RIN3: variants seen among roughly 807,000 people sequenced by gnomAD.
RIN3 encodes RAB5 interacting protein 3.
In RIN3, 54 loss-of-function variants were observed where a neutral mutation model predicts 76.3. That is an observed-to-expected ratio of 0.71 (90% CI 0.57 to 0.89). RIN3 has a LOEUF of 0.89. Among genes scored for constraint, RIN3 ranks in the 40% least tolerant of loss-of-function variants. The probability of loss-of-function intolerance (pLI) is 0.00; values close to 1 mark genes in which losing one functional copy is unlikely to be tolerated. For synonymous variants in RIN3, 576 were observed against 564.0 expected (o/e 1.02, Z -0.30); for missense variants, 1,256 against 1,322.1 (o/e 0.95, Z 0.78).
intron 3 of RIN3, among the ~76,000 whole-genome samples, chr14:92,591,361 T>C (rs1193558241): frequency 6.6e-6 from 1 of 151,162 alleles, no homozygotes; most frequent in African/African-American, 2.4e-5. Flanking sequence ...CTACAAAAGG[T>C]GTAACAGACA....
chr14:92,646,371 C>T (rs967880911), intron 5 of RIN3, among the ~76,000 whole-genome samples: 13 of 152,142 alleles, frequency 8.5e-5, no homozygotes, highest in African/African-American at 1.9e-4. Context: ...TCCACATGCC[C>T]GCCATGTGCT....
chr14:92,647,750 C>G (rs1408209594), intron 5 of RIN3, among the ~76,000 whole-genome samples: 1 of 152,202 alleles, frequency 6.6e-6, no homozygotes, highest in African/African-American at 2.4e-5. Flanking sequence ...CCAAGCTCCC[C>G]AGGGGTAGAG....
At chr14:92,524,156 T>C (rs1456939176) in intron 1 of RIN3, among the ~76,000 whole-genome samples, 1 of 152,218 alleles carries the variant, frequency 6.6e-6, no homozygotes, top group Non-Finnish European at 1.5e-5. Context: ...ATCACACCAC[T>C]GCACTTCGGC....
At chr14:92,637,333 G>C (rs990881277) in intron 4 of RIN3, among the ~76,000 whole-genome samples, 2 of 152,112 alleles carry the variant, frequency 1.3e-5, no homozygotes, top group Non-Finnish European at 2.9e-5. Flanking sequence ...GTTCACAGCA[G>C]GGTTCATGCT....
chr14:92,650,324 G>A (rs1206944493), intron 5 of RIN3, among the ~76,000 whole-genome samples: 3 of 152,232 alleles, frequency 2.0e-5, no homozygotes, highest in Non-Finnish European at 4.4e-5. Flanking sequence ...GTGCTTTCAT[G>A]TTTCTGAGCC....
intron 2 of RIN3, among the ~76,000 whole-genome samples, chr14:92,575,322 C>G (rs1016413779): frequency 6.6e-6 from 1 of 152,050 alleles, no homozygotes; most frequent in African/African-American, 2.4e-5. Context: ...CCAGAAAGGG[C>G]TCCCGATCCA....
At chr14:92,633,137 C>A (rs1286520746) in intron 4 of RIN3, among the ~76,000 whole-genome samples, 2 of 152,142 alleles carry the variant, frequency 1.3e-5, no homozygotes, top group African/African-American at 2.4e-5. Flanking sequence ...GTGAGGGCAG[C>A]CCCTGAGGGA....
intron 1 of RIN3, among the ~76,000 whole-genome samples, chr14:92,523,875 G>C (rs1472541022): frequency 6.6e-6 from 1 of 152,062 alleles, no homozygotes; most frequent in Non-Finnish European, 1.5e-5. Flanking sequence ...CCTGAGAGTT[G>C]GTGTCCCCGC....
At chr14:92,518,614 C>T (rs1896508078) in intron 1 of RIN3, among the ~76,000 whole-genome samples, 1 of 152,172 alleles carries the variant, frequency 6.6e-6, no homozygotes, top group African/African-American at 2.4e-5. Context: ...CAGCTGTGCT[C>T]CTGATACTTG....
chr14:92,524,498 C>T (rs58928869), intron 1 of RIN3, among the ~76,000 whole-genome samples: 1 of 152,286 alleles, frequency 6.6e-6, no homozygotes, highest in South Asian at 2.1e-4. Context: ...CCTGTAAGAG[C>T]CTGCCTGGAG....
At chr14:92,660,282 T>C (rs1041979919) in intron 7 of RIN3, among the ~76,000 whole-genome samples, 22 of 152,168 alleles carry the variant, frequency 1.4e-4, no homozygotes, top group African/African-American at 3.1e-4. Flanking sequence ...GGTGGGCCAG[T>C]TGGAGGCCAG....
intron 7 of RIN3, among the ~76,000 whole-genome samples, chr14:92,665,735 G>GCCCCC (rs1888073643): frequency 6.7e-6 from 1 of 149,912 alleles, no homozygotes; most frequent in Non-Finnish European, 1.5e-5. Flanking sequence ...TTTTCCCCCA[G>GCCCCC]CCCCACCTTT....
intron 7 of RIN3, among the ~76,000 whole-genome samples, chr14:92,676,194 G>T (rs1355606755): frequency 6.6e-6 from 1 of 151,992 alleles, no homozygotes; most frequent in East Asian, 1.9e-4. Context: ...GGCGGTCATG[G>T]AGAGGGAGGA....
intron 3 of RIN3, among the ~76,000 whole-genome samples, chr14:92,596,740 G>C (rs1007664479): frequency 2.0e-5 from 3 of 152,214 alleles, no homozygotes; most frequent in African/African-American, 7.2e-5. Context: ...GTGCAGAAAG[G>C]GGGCAGGCTG....
intron 4 of RIN3, among the ~76,000 whole-genome samples, chr14:92,632,016 C>A (rs1886604558): frequency 6.6e-6 from 1 of 152,042 alleles, no homozygotes; most frequent in Admixed American, 6.6e-5. Context: ...GACTTGCCCT[C>A]GAGGAGAAAG....
At chr14:92,647,953 G>GCC (rs903351763) in intron 5 of RIN3, among the ~76,000 whole-genome samples, 6 of 152,322 alleles carry the variant, frequency 3.9e-5, no homozygotes, top group East Asian at 3.9e-4. Context: ...TCGCAGCAGA[G>GCC]CCAAGGCTCA....
chr14:92,590,260 A>G (rs1157200589), intron 3 of RIN3, among the ~76,000 whole-genome samples: 1 of 152,326 alleles, frequency 6.6e-6, no homozygotes, highest in East Asian at 1.9e-4. Flanking sequence ...GTTCTTCTCA[A>G]TAAGGTATGC....
At chr14:92,535,301 G>A (rs988814700) in intron 1 of RIN3, among the ~76,000 whole-genome samples, 17 of 150,058 alleles carry the variant, frequency 1.1e-4, no homozygotes, top group Admixed American at 7.3e-4. Flanking sequence ...CTCAGGGCTT[G>A]TGCTTTCATT....
At chr14:92,563,607 C>T (rs1314828294) in intron 2 of RIN3, among the ~76,000 whole-genome samples, 1 of 148,750 alleles carries the variant, frequency 6.7e-6, no homozygotes, top group East Asian at 2.0e-4. Flanking sequence ...TTTAAACCCA[C>T]AACTGACTGT....
Sources: gnomAD v4.1 joint callset for allele counts (sites outside exome capture counted in the v4.1 genomes callset) on GRCh38, gnomAD v4.1.1 for gene constraint, MANE v1.5 for transcripts, NCBI Gene and HGNC (gene_info 2026-07-23, HGNC 2026-07-21) for gene names.